The following GAB1 variants were observed in gnomAD, a reference collection of about 807,000 sequenced individuals.
GAB1 encodes GRB2 associated binding protein 1, also known as GRB2-associated-binding protein 1.
A neutral mutation model predicts 66.5 loss-of-function variants in GAB1; 19 were observed. The ratio of observed to expected loss-of-function variants is 0.29; its 90% CI spans 0.20 to 0.42. The LOEUF is 0.42. Among genes scored for constraint, GAB1 ranks in the 10% least tolerant of loss-of-function variants. The pLI is 1.00. For synonymous variants in GAB1, 294 were observed against 301.4 expected (o/e 0.98, Z 0.25); for missense variants, 732 against 858.5 (o/e 0.85, Z 1.84).
intron 1 of GAB1, among the ~76,000 whole-genome samples, chr4:143,363,723 C>T (rs890389802): frequency 6.6e-6 from 1 of 152,190 alleles, no homozygotes; most frequent in African/African-American, 2.4e-5. Context: ...GGTTCATATA[C>T]TCAGTGGACA....
chr4:143,337,912 C>T (rs912558070), intron 1 of GAB1, among the ~76,000 whole-genome samples: 1 of 152,138 alleles, frequency 6.6e-6, no homozygotes, highest in Non-Finnish European at 1.5e-5. Context: ...GGAGCCTTGG[C>T]GGTTTGCTGC....
chr4:143,406,911 A>G (rs1732075713), intron 1 of GAB1, among the ~76,000 whole-genome samples: 1 of 152,238 alleles, frequency 6.6e-6, no homozygotes, highest in Non-Finnish European at 1.5e-5. Flanking sequence ...TTTCAAGTAA[A>G]AATATACTTA....
intron 1 of GAB1, among the ~76,000 whole-genome samples, chr4:143,372,478 A>G (rs894527991): frequency 1.3e-5 from 2 of 152,238 alleles, no homozygotes; most frequent in African/African-American, 2.4e-5. Flanking sequence ...CATTAAGCAA[A>G]TACATAATAT....
intron 1 of GAB1, chr4:143,349,594 C>T: frequency 6.7e-7 from 1 of 1,493,254 alleles, no homozygotes; most frequent in Non-Finnish European, 9.1e-7. Flanking sequence ...CACAGAGCCG[C>T]AGCGGCCTGT....
chr4:143,387,948 C>T (rs1730995225), intron 1 of GAB1, among the ~76,000 whole-genome samples: 1 of 152,294 alleles, frequency 6.6e-6, no homozygotes, highest in East Asian at 1.9e-4. Context: ...CTGTTGTCTC[C>T]TTGCTTCTGT....
At chr4:143,463,936 G>A (rs1384821114) in intron 8 of GAB1, among the ~76,000 whole-genome samples, 2 of 152,132 alleles carry the variant, frequency 1.3e-5, no homozygotes, top group African/African-American at 4.8e-5. Context: ...ATGCATGCAG[G>A]TCTTACAAAT....
In GAB1 at chr4:143,438,417, C is replaced by G. The variant is rs765262127; in HGVS notation, c.1012C>G (p.Pro338Ala). 1 of 1,614,068 alleles carries G rather than the reference C, an allele frequency of 6.2e-7. No homozygotes were observed. Among genetic ancestry groups the G allele is most frequent in the Non-Finnish European group, 8.5e-7 (1 of 1,179,994 alleles). Reference sequence around the variant, plus strand: ...ACAGACATCAAAGCTAGACACTATTCCAGATATTCCTCCACCTCGGCCACC... The same window carrying G: ...ACAGACATCAAAGCTAGACACTATTGCAGATATTCCTCCACCTCGGCCACC... ...LGQTSKLDTI[P>A]DIPPPRPPKP... The change falls in exon 4 of 10, where the codon CCA (proline) becomes GCA (alanine). Residue 338 changes from proline (P) to alanine (A), a missense_variant. This residue lies in a region of GAB1 where 427 missense variants were observed against 420.6 expected (regional missense o/e 1.02). Coordinates refer to ENST00000262994, the MANE Select transcript of GAB1 (RefSeq NM_002039.4).
chr4:143,454,892 T>G (rs1735100575), intron 6 of GAB1, among the ~76,000 whole-genome samples: 1 of 151,618 alleles, frequency 6.6e-6, no homozygotes, highest in South Asian at 2.1e-4. Flanking sequence ...GGAGCTGAGT[T>G]TCTCTCTCTT....
rs917637334 is a variant in GAB1, at chr4:143,337,215, C to T, written c.27C>T (p.Ser9=). ...TGAGCGGTGGTGAAGTGGTCTGCTC[C>T]GGATGGCTCCGCAAGTCCCCCCCGG... is the stretch of plus-strand genomic sequence containing the variant. MSGGEVVC[S]GWLRKSPPEK... is the part of the protein sequence containing the mutation. The change falls in exon 1 of 10, where the codon TCC becomes TCT. Residue 9 remains serine (S), a synonymous_variant. Coordinates refer to ENST00000262994, the MANE Select transcript of GAB1 (RefSeq NM_002039.4). 26 of 1,585,184 alleles carry T rather than the reference C, an allele frequency of 1.6e-5. No homozygotes were observed. Among genetic ancestry groups the T allele is most frequent in the Non-Finnish European group, 2.1e-5 (24 of 1,165,778 alleles).
chr4:143,438,655 T>A, intron 4 of GAB1, 55 bp downstream of exon 4: 1 of 1,534,152 alleles, frequency 6.5e-7, no homozygotes, highest in South Asian at 1.3e-5. Flanking sequence ...AAATCGATTT[T>A]TCTGAATATT....
At chr4:143,394,604 C>T (rs1050800864) in intron 1 of GAB1, among the ~76,000 whole-genome samples, 5 of 152,060 alleles carry the variant, frequency 3.3e-5, no homozygotes, top group African/African-American at 9.7e-5. Context: ...CAATTCTGTA[C>T]CCCTTAGCCA....
At chr4:143,411,743 C>T (rs763712166) in intron 1 of GAB1, among the ~76,000 whole-genome samples, 172 of 152,196 alleles carry the variant, frequency 1.1e-3, no homozygotes, top group Non-Finnish European at 1.0e-3. Flanking sequence ...GATGTCAGTT[C>T]TCTTGTCGAG....
In GAB1 at chr4:143,411,704, G is replaced by A. The variant is rs565358070; in HGVS notation, c.73-3773G>A. 2.6e-5 allele frequency among the ~76,000 whole-genome samples: 4 copies of A among 152,250 alleles called. No individual in the cohort carries two copies. The East Asian group carries it at 5.8e-4, about 22-fold the overall frequency. ...TTGTGCTCTGACAAAACATAGAGACGCTTTTGTGCTGTGATTAGCAAGGGT... is the reference window on the plus strand; with the variant it reads ...TTGTGCTCTGACAAAACATAGAGACACTTTTGTGCTGTGATTAGCAAGGGT... On this transcript the variant is annotated intron_variant, in intron 1 of 9. Transcript: ENST00000262994.
intron 1 of GAB1, among the ~76,000 whole-genome samples, chr4:143,369,553 A>G (rs1486976144): frequency 6.6e-6 from 1 of 152,264 alleles, no homozygotes; most frequent in Non-Finnish European, 1.5e-5. Flanking sequence ...ATAATAGAAG[A>G]TGAAAAAAGT....
intron 1 of GAB1, among the ~76,000 whole-genome samples, chr4:143,412,464 A>G (rs1732447052): frequency 6.6e-6 from 1 of 152,236 alleles, no homozygotes; most frequent in Non-Finnish European, 1.5e-5. Context: ...TATTTATTGT[A>G]CAGATATGCT....
At position 143,338,174 on chromosome 4, in the gene GAB1, A is replaced by G. The variant is rs147656416; in HGVS notation, c.72+914A>G. 6.6e-5 allele frequency among the ~76,000 whole-genome samples: 10 copies of G among 152,342 alleles called. No homozygotes were observed. In the East Asian group the frequency reaches 1.9e-3, roughly 29 times the overall value. On this transcript the variant is annotated intron_variant, in intron 1 of 9. Transcript: ENST00000262994. The stretch of plus-strand genomic sequence containing the variant: ...TTTAGTGGAAACCTGTGTCCTCTTC[A>G]GAGGTCTGGGATCTTATTCTTCCTC...
chr4:143,438,467 A>G lies in GAB1; in HGVS notation c.1062A>G (p.Arg354=). The G allele has an allele frequency of 6.2e-7, 1 of 1,613,910 alleles. No individual in the cohort carries two copies. The highest frequency in any genetic ancestry group is 2.2e-5 in the East Asian group (1 of 44,866). The change falls in exon 4 of 10, where the codon CGA becomes CGG. Residue 354 remains arginine, a synonymous_variant. Coordinates refer to ENST00000262994, the MANE Select transcript of GAB1 (RefSeq NM_002039.4). ...RPPKPHPAHD[R]SPVETCSIPR... ...CGAAACCACATCCAGCTCATGACCG[A>G]TCTCCTGTGGAAACGTGTAGTATCC...
At chr4:143,382,295 T>C (rs1484055194) in intron 1 of GAB1, among the ~76,000 whole-genome samples, 3 of 152,238 alleles carry the variant, frequency 2.0e-5, no homozygotes, top group African/African-American at 7.2e-5. Context: ...GTTTAGGTAT[T>C]ATAGATATAT....
At chr4:143,446,857 G>C (rs1487718605) in intron 6 of GAB1, among the ~76,000 whole-genome samples, 2 of 150,828 alleles carry the variant, frequency 1.3e-5, no homozygotes, top group African/African-American at 4.8e-5. Flanking sequence ...TTTTAGACAT[G>C]AAGTCCTTGC....
Sources: allele counts gnomAD v4.1 joint callset (sites outside exome capture counted in the v4.1 genomes callset), GRCh38; gene constraint gnomAD v4.1.1; regional missense constraint gnomAD v4.1.1; transcripts MANE v1.5; gene names NCBI Gene and HGNC (gene_info 2026-07-23, HGNC 2026-07-21).